PDE5A: variants seen among roughly 807,000 people sequenced by gnomAD.
PDE5A encodes phosphodiesterase 5A.
PDE5A carries 67 observed loss-of-function variants against 110.2 expected under a neutral mutation model. That is an observed-to-expected ratio of 0.61 (90% confidence interval 0.50 to 0.75). The LOEUF (loss-of-function observed/expected upper bound fraction) is 0.75. Ranked by LOEUF, PDE5A falls within the 30% of genes least tolerant of loss-of-function variation. The pLI is 0.00. For missense variants in PDE5A, 862 were observed against 1,045.1 expected (o/e 0.82, Z 2.42); for synonymous variants, 328 against 351.2 (o/e 0.93, Z 0.74).
Position 119,539,903 on chromosome 4 carries a change from A to G in PDE5A, c.1573-884T>C, listed in dbSNP as rs75120085. ...CTGCTCAGAGAATTTTGGATTTTGA[A>G]ACATTTTTGAGTTTGAGATTTTTGG... is the stretch of plus-strand genomic sequence containing the variant. On this transcript the variant is annotated intron_variant, in intron 10 of 20. Transcript: ENST00000354960. Among the ~76,000 whole-genome samples, 1,239 of 152,282 alleles carry G rather than the reference A, an allele frequency of 8.1e-3. 12 individuals carry two copies. Among genetic ancestry groups the G allele is most frequent in the African/African-American group, 0.028 (1,183 of 41,556 alleles).
chr4:119,501,443 G>A (rs1029237797), intron 19 of PDE5A, among the ~76,000 whole-genome samples, 190 bp from the exon 20 acceptor site: 4 of 152,054 alleles, frequency 2.6e-5, no homozygotes, highest in Admixed American at 6.6e-5. Flanking sequence ...CCCTAGTCAG[G>A]TGTGCAGTAC....
chr4:119,607,095 C>A lies in PDE5A; in HGVS notation c.355G>T (p.Glu119Ter), dbSNP rs754072049. 1 of 1,614,178 alleles carries A rather than the reference C, an allele frequency of 6.2e-7. No individual in the cohort carries two copies. The highest frequency in any genetic ancestry group is 8.5e-7 in the Non-Finnish European group (1 of 1,180,030). Residue 119 changes from glutamate to a stop codon, truncating the protein, a stop_gained, in exon 2 of 21, where the codon GAG becomes TAG. Coordinates refer to ENST00000354960, the MANE Select transcript of PDE5A (RefSeq NM_001083.4). LOFTEE classifies it high-confidence loss of function. ...PLRPIVVKDS[E>*]GTVSFLSDSE... ...TCAGAGAGGAAGCTCACAGTTCCCT[C>A]AGAATCCTTGACAACAATGGGTCTA...
chr4:119,558,161 A>G (rs1395470212), intron 7 of PDE5A, among the ~76,000 whole-genome samples: 2 of 152,186 alleles, frequency 1.3e-5, no homozygotes, highest in Non-Finnish European at 2.9e-5. Context: ...ACCATGTGGA[A>G]ATGAGCCTCC....
Position 119,607,311 on chromosome 4 carries a change from C to A in PDE5A, c.153-14G>T. The A allele has an allele frequency of 1.3e-6, 2 of 1,552,462 alleles. No individual in the cohort carries two copies. The highest frequency in any genetic ancestry group is 4.5e-5 in the East Asian group (2 of 44,502). On this transcript the variant is annotated splice_polypyrimidine_tract_variant and intron_variant, in intron 1 of 20. Transcript: ENST00000354960. ...TTGACCATTTCTCTGCAGAACAGAA[C>A]GTGCAGACACATTAGATACTTGAAG...
At position 119,573,414 on chromosome 4, in the gene PDE5A, G is replaced by C. The variant is rs149870122; in HGVS notation, c.832-6270C>G. Reference sequence around the variant, plus strand: ...TTGCATCTCATTGTTGCTTTAATTTGTATTTTCCTGATTACTGGAGAGAAT... The same window carrying C: ...TTGCATCTCATTGTTGCTTTAATTTCTATTTTCCTGATTACTGGAGAGAAT... On this transcript the variant is annotated intron_variant, in intron 3 of 20. Transcript: ENST00000354960. 2.6e-4 allele frequency among the ~76,000 whole-genome samples: 40 copies of C among 152,232 alleles called. No individual in the cohort carries two copies. In the East Asian group the frequency reaches 6.7e-3, roughly 26 times the overall value.
intron 6 of PDE5A, 33 bp from the exon 7 acceptor site, chr4:119,560,396 T>G (rs777039593): frequency 6.9e-7 from 1 of 1,454,076 alleles, no homozygotes; most frequent in Non-Finnish European, 9.5e-7. Context: ...GAGAAATAAG[T>G]TTGACAAGGT....
rs186153957 is a variant in PDE5A, at chr4:119,602,843, A to G, written c.741+3866T>C. Among the ~76,000 whole-genome samples, 133 of 152,398 alleles carry G rather than the reference A, an allele frequency of 8.7e-4. 3 individuals carry two copies. The highest frequency in any genetic ancestry group is 4.2e-3 in the Admixed American group (64 of 15,310). ...ATAATAGCTACATGGTCAAGGCCAC[A>G]TAAGTGGCAATTTGACCCTTCCCTA... On this transcript the variant is annotated intron_variant, in intron 2 of 20. Coordinates refer to ENST00000354960, the MANE Select transcript of PDE5A (RefSeq NM_001083.4).
intron 3 of PDE5A, among the ~76,000 whole-genome samples, chr4:119,569,037 T>C (rs1156403276): frequency 6.6e-6 from 1 of 151,834 alleles, no homozygotes; most frequent in Admixed American, 6.6e-5. Context: ...CAGTCTTTTT[T>C]TTTTTTTTCT....
At chr4:119,501,020 A>T in intron 20 of PDE5A, 150 bp downstream of exon 20, 1 of 597,204 alleles carries the variant, frequency 1.7e-6, no homozygotes, top group Non-Finnish European at 3.0e-6. Flanking sequence ...CAATACAAAC[A>T]TGTTCATCAG....
intron 13 of PDE5A, 33 bp from the exon 14 acceptor site, chr4:119,519,172 A>G (rs772074881): frequency 6.7e-7 from 1 of 1,494,350 alleles, no homozygotes; most frequent in Non-Finnish European, 9.3e-7. Flanking sequence ...GGAAAGAGAG[A>G]ACAAATATAA....
chr4:119,498,176 A>G lies in PDE5A; in HGVS notation c.*425T>C, dbSNP rs1418193577. The G allele has an allele frequency of 6.4e-6, 1 of 156,180 alleles. No homozygotes were observed. Among genetic ancestry groups the G allele is most frequent in the Non-Finnish European group, 1.4e-5 (1 of 70,546 alleles). The allele number at this position is 156,180 out of a possible 1,614,324, so 9.7% of individuals were successfully genotyped here. On this transcript the variant is annotated 3_prime_UTR_variant, in exon 21 of 21. Coordinates refer to ENST00000354960, the MANE Select transcript of PDE5A (RefSeq NM_001083.4). ...AAAGGCTTTAAATGTCACAGAATGT[A>G]TGATAATTTGCTCCTAACCTACTTT...
intron 19 of PDE5A, among the ~76,000 whole-genome samples, chr4:119,502,102 C>T (rs1725365713): frequency 6.6e-6 from 1 of 152,080 alleles, no homozygotes. Context: ...TTTGGTATCT[C>T]TCCTTCCTTT....
intron 19 of PDE5A, among the ~76,000 whole-genome samples, chr4:119,502,076 T>C (rs1371774924): frequency 6.6e-6 from 1 of 152,156 alleles, no homozygotes; most frequent in Non-Finnish European, 1.5e-5. Flanking sequence ...TCTGGTCATC[T>C]TTCCTCCATG....
chr4:119,506,633 C>T (rs1263230554), intron 16 of PDE5A, among the ~76,000 whole-genome samples: 1 of 151,692 alleles, frequency 6.6e-6, no homozygotes, highest in Non-Finnish European at 1.5e-5. Context: ...CCCATGTGGC[C>T]TGTAAAGCTT....
At position 119,505,877 on chromosome 4, in the gene PDE5A, G is replaced by T. The variant is rs903494913; in HGVS notation, c.2245C>A (p.Pro749Thr). ...IRKNQFNLED[P>T]HQKELFLAML... The stretch of plus-strand genomic sequence containing the variant: ...TACAAAAACAACTCCTTTTGATGAG[G>T]ATCTTCCAAATTGAATTGATTTTTT... Residue 749 changes from proline to threonine, a missense_variant, in exon 17 of 21, where the codon CCT becomes ACT. Pro to Thr is a conservative substitution (Grantham distance 38). Transcript: ENST00000354960. 1.3e-6 allele frequency: 2 copies of T among 1,567,518 alleles called. No homozygotes were observed. Among genetic ancestry groups the T allele is most frequent in the Non-Finnish European group, 1.7e-6 (2 of 1,156,312 alleles).
intron 11 of PDE5A, among the ~76,000 whole-genome samples, chr4:119,533,314 A>T (rs1726610630): frequency 6.6e-6 from 1 of 152,136 alleles, no homozygotes; most frequent in African/African-American, 2.4e-5. Flanking sequence ...TTCTTAATGG[A>T]GAGCAGTTTA....
intron 1 of PDE5A, among the ~76,000 whole-genome samples, chr4:119,610,163 T>C (rs933974506): frequency 6.6e-6 from 1 of 152,188 alleles, no homozygotes; most frequent in African/African-American, 2.4e-5. Flanking sequence ...CATACATTAA[T>C]TAAAATAATT....
At chr4:119,578,457 C>T (rs1204083861) in intron 3 of PDE5A, among the ~76,000 whole-genome samples, 2 of 152,176 alleles carry the variant, frequency 1.3e-5, no homozygotes, top group South Asian at 2.1e-4. Flanking sequence ...GCTACAGTAA[C>T]CAAAACAGCA....
At chr4:119,561,464 A>G (rs1727744083) in intron 6 of PDE5A, among the ~76,000 whole-genome samples, 1 of 152,204 alleles carries the variant, frequency 6.6e-6, no homozygotes, top group South Asian at 2.1e-4. Flanking sequence ...ACTGATCCAA[A>G]TCAGTGTACT....
Sources: gnomAD v4.1 joint callset for allele counts (sites outside exome capture counted in the v4.1 genomes callset) on GRCh38, gnomAD v4.1.1 for gene constraint, MANE v1.5 for transcripts, NCBI Gene and HGNC (gene_info 2026-07-23, HGNC 2026-07-21) for gene names.